Variants in CLDN10 observed in about 807,000 individuals in gnomAD.
The protein encoded by CLDN10 is claudin-10.
CLDN10 carries 15 observed loss-of-function variants against 22.9 expected under a neutral mutation model. The ratio of observed to expected loss-of-function variants is 0.65; its 90% CI spans 0.44 to 1.01. The LOEUF is 1.01. Ranked by LOEUF, CLDN10 falls within the 50% of genes least tolerant of loss-of-function variation. CLDN10 has a pLI of 0.00. For synonymous variants in CLDN10, 114 were observed against 111.4 expected (o/e 1.02, Z -0.15); for missense variants, 247 against 287.8 (o/e 0.86, Z 1.03).
At chr13:95,513,637 G>A (rs2043130589) in intron 1 of CLDN10, among the ~76,000 whole-genome samples, 1 of 152,116 alleles carries the variant, frequency 6.6e-6, no homozygotes, top group Non-Finnish European at 1.5e-5. Flanking sequence ...AAAATGAAAA[G>A]GCTGTAAAAG....
chr13:95,529,778 C>T (rs1214914288), intron 1 of CLDN10, among the ~76,000 whole-genome samples: 2 of 151,712 alleles, frequency 1.3e-5, no homozygotes, highest in African/African-American at 4.8e-5. Flanking sequence ...TCCAGTTTCG[C>T]TTTTTTTTCC....
intron 3 of CLDN10, among the ~76,000 whole-genome samples, chr13:95,561,178 G>A (rs945504707): frequency 6.6e-6 from 1 of 152,180 alleles, no homozygotes; most frequent in Non-Finnish European, 1.5e-5. Flanking sequence ...TCTTACCTAA[G>A]AATGTATCTA....
At chr13:95,528,072 T>A (rs2043303514) in intron 1 of CLDN10, among the ~76,000 whole-genome samples, 1 of 152,184 alleles carries the variant, frequency 6.6e-6, no homozygotes, top group Admixed American at 6.5e-5. Flanking sequence ...CCTTTCCCTG[T>A]GTGACTGGCT....
chr13:95,464,057 C>A (rs2042561605), intron 1 of CLDN10, among the ~76,000 whole-genome samples: 1 of 151,482 alleles, frequency 6.6e-6, no homozygotes, highest in South Asian at 2.1e-4. Flanking sequence ...ATACAACTGG[C>A]AAGCCTAATA....
intron 1 of CLDN10, among the ~76,000 whole-genome samples, chr13:95,545,022 C>T (rs960524024): frequency 8.6e-5 from 13 of 151,910 alleles, no homozygotes; most frequent in Non-Finnish European, 1.9e-4. Flanking sequence ...AGGTGATCCA[C>T]CTGCCTCAGC....
chr13:95,566,442 C>T (rs913163229), intron 3 of CLDN10, among the ~76,000 whole-genome samples: 2 of 152,190 alleles, frequency 1.3e-5, no homozygotes, highest in African/African-American at 4.8e-5. Flanking sequence ...AGTGTCTGTT[C>T]ATATCCTTTG....
intron 1 of CLDN10, among the ~76,000 whole-genome samples, chr13:95,511,587 T>C (rs1032438167): frequency 2.6e-5 from 4 of 151,208 alleles, no homozygotes; most frequent in Admixed American, 1.3e-4. Flanking sequence ...AGGCCAATGA[T>C]AAAAGTAGGA....
At chr13:95,495,999 A>T (rs1028404071) in intron 1 of CLDN10, among the ~76,000 whole-genome samples, 2 of 152,160 alleles carry the variant, frequency 1.3e-5, no homozygotes, top group Non-Finnish European at 1.5e-5. Flanking sequence ...GTAGGTTCTC[A>T]CCAAATTTAT....
intron 1 of CLDN10, among the ~76,000 whole-genome samples, chr13:95,445,793 G>A (rs1380632326): frequency 6.6e-6 from 1 of 152,142 alleles, no homozygotes; most frequent in African/African-American, 2.4e-5. Flanking sequence ...AATACAAGAG[G>A]AAAATGTGAC....
chr13:95,463,305 TATATATATATATATATATA>T, intron 1 of CLDN10, among the ~76,000 whole-genome samples: 1 of 106,428 alleles, frequency 9.4e-6, no homozygotes, highest in African/African-American at 3.8e-5. Context: ...TATATATATA[TATATATATATATATATATA>T]TTTGCCTTTT....
chr13:95,442,162 A>G (rs567038854), intron 1 of CLDN10, among the ~76,000 whole-genome samples: 8 of 152,262 alleles, frequency 5.3e-5, no homozygotes, highest in Admixed American at 5.2e-4. Flanking sequence ...AAAAAGCAAA[A>G]AACAACAAAT....
At chr13:95,570,047 A>G (rs1210999338) in intron 3 of CLDN10, among the ~76,000 whole-genome samples, 1 of 152,168 alleles carries the variant, frequency 6.6e-6, no homozygotes, top group African/African-American at 2.4e-5. Context: ...CTGCAAGTCC[A>G]TCTGTATATT....
At chr13:95,529,095 C>T (rs1402705174) in intron 1 of CLDN10, among the ~76,000 whole-genome samples, 1 of 151,698 alleles carries the variant, frequency 6.6e-6, no homozygotes, top group African/African-American at 2.4e-5. Flanking sequence ...GATATTGCTG[C>T]CCATGTCTAG....
chr13:95,527,468 G>A (rs542838428), intron 1 of CLDN10, among the ~76,000 whole-genome samples: 7 of 152,190 alleles, frequency 4.6e-5, no homozygotes, highest in East Asian at 1.9e-4. Context: ...AGTGGCTCAC[G>A]CCTGTAATCC....
chr13:95,523,850 A>C (rs955237543), intron 1 of CLDN10, among the ~76,000 whole-genome samples: 4 of 152,108 alleles, frequency 2.6e-5, no homozygotes, highest in Admixed American at 6.6e-5. Flanking sequence ...ATTGTAGGAC[A>C]TTAAGCAGTT....
chr13:95,486,847 G>C (rs1336283526), intron 1 of CLDN10, among the ~76,000 whole-genome samples: 1 of 152,084 alleles, frequency 6.6e-6, no homozygotes, highest in African/African-American at 2.4e-5. Flanking sequence ...TCCCTTTACC[G>C]CCTCAGTGTT....
chr13:95,579,136 C>T lies in CLDN10; in HGVS notation c.*1122C>T, dbSNP rs1199827991. ...GGAAAAATTCAAAAAATTGCAACCT[C>T]AGGCATAAATGGGTTAAGGACATCC... On this transcript the variant is annotated 3_prime_UTR_variant, in exon 5 of 5. Transcript: ENST00000299339. The T allele has an allele frequency of 6.6e-6, 1 of 152,206 alleles. No homozygotes were observed. The highest frequency in any genetic ancestry group is 1.9e-4 in the East Asian group (1 of 5,200). The allele number at this position is 152,206 out of a possible 1,614,324, so 9.4% of individuals were successfully genotyped here.
chr13:95,511,300 A>G (rs2043095237), intron 1 of CLDN10, among the ~76,000 whole-genome samples: 1 of 152,140 alleles, frequency 6.6e-6, no homozygotes, highest in Non-Finnish European at 1.5e-5. Flanking sequence ...GTGAAAAAGC[A>G]AAACCTATGA....
At chr13:95,493,840 G>GTCC (rs2042901528) in intron 1 of CLDN10, among the ~76,000 whole-genome samples, 1 of 152,158 alleles carries the variant, frequency 6.6e-6, no homozygotes, top group Non-Finnish European at 1.5e-5. Context: ...GATTACAGGT[G>GTCC]TGAGGCACCA....
Sources: allele counts gnomAD v4.1 joint callset (sites outside exome capture counted in the v4.1 genomes callset), GRCh38; gene constraint gnomAD v4.1.1; transcripts MANE v1.5; gene names NCBI Gene and HGNC (gene_info 2026-07-23, HGNC 2026-07-21).